The following WDFY4 variants were observed in gnomAD, a reference collection of about 807,000 sequenced individuals.
WDFY4 encodes the protein WD repeat- and FYVE domain-containing protein 4.
WDFY4 carries 169 observed loss-of-function variants against 351.9 expected under a neutral mutation model. The observed-to-expected ratio is 0.48, with a 90% CI of 0.42 to 0.55. The LOEUF (loss-of-function observed/expected upper bound fraction) is 0.55, where lower values mean the gene tolerates loss of function less well. WDFY4 is among the 20% of genes least tolerant of loss of function. WDFY4 has a pLI of 0.00. For missense variants in WDFY4, 3,803 were observed against 3,935.6 expected (o/e 0.97, Z 0.90); for synonymous variants, 1,622 against 1,574.6 (o/e 1.03, Z -0.71).
chr10:48,765,549 C>T (rs970976108), intron 13 of WDFY4, among the ~76,000 whole-genome samples: 1 of 152,204 alleles, frequency 6.6e-6, no homozygotes, highest in African/African-American at 2.4e-5. Context: ...GCTTTACAAG[C>T]ATTTTATCAT....
At chr10:48,748,071 AG>A (rs2065067163) in intron 12 of WDFY4, among the ~76,000 whole-genome samples, 1 of 152,162 alleles carries the variant, frequency 6.6e-6, no homozygotes, top group Non-Finnish European at 1.5e-5. Flanking sequence ...TCTATATTTC[AG>A]GGGCAATCCC....
At chr10:48,905,817 G>A (rs1290181718) in intron 47 of WDFY4, among the ~76,000 whole-genome samples, 1 of 152,242 alleles carries the variant, frequency 6.6e-6, no homozygotes, top group African/African-American at 2.4e-5. Context: ...CTCATAGTAG[G>A]TGCCCAGTAA....
intron 7 of WDFY4, 150 bp downstream of exon 7, chr10:48,727,809 A>G (rs1470816215): frequency 9.7e-7 from 1 of 1,034,302 alleles, no homozygotes; most frequent in African/African-American, 1.6e-5. Flanking sequence ...CATTGTGCAG[A>G]CAGGCATGGG....
At chr10:48,688,848 G>C (rs898979149) in intron 1 of WDFY4, among the ~76,000 whole-genome samples, 1 of 152,198 alleles carries the variant, frequency 6.6e-6, no homozygotes, top group Non-Finnish European at 1.5e-5. Flanking sequence ...TAGAGCATGG[G>C]AGAAAGAGAG....
intron 2 of WDFY4, among the ~76,000 whole-genome samples, chr10:48,710,512 G>A (rs1432419928): frequency 6.6e-6 from 1 of 152,196 alleles, no homozygotes; most frequent in East Asian, 1.9e-4. Context: ...TAGCTTCTGA[G>A]TAATACTGTC....
intron 43 of WDFY4, among the ~76,000 whole-genome samples, chr10:48,885,225 T>G (rs1365095025): frequency 2.1e-4 from 32 of 152,188 alleles, no homozygotes; most frequent in Non-Finnish European, 1.5e-5. Flanking sequence ...GGATGTAGCC[T>G]GGGAATATGA....
intron 47 of WDFY4, among the ~76,000 whole-genome samples, chr10:48,922,727 G>A (rs1345218384): frequency 2.6e-5 from 4 of 152,212 alleles, no homozygotes; most frequent in East Asian, 1.9e-4. Flanking sequence ...CAAAGTCTAC[G>A]GATACATGCG....
chr10:48,820,395 C>T lies in WDFY4; in HGVS notation c.5667C>T (p.Ala1889=). The change falls in exon 33 of 62, where the codon GCC becomes GCT. Residue 1889 remains alanine, a synonymous_variant. Coordinates refer to ENST00000325239, the MANE Select transcript of WDFY4 (RefSeq NM_001394531.1). ...QLLLRELLLG[A]SSPKQWLPLE... is the part of the protein sequence containing the mutation. ...TCTTGAGGGAGCTCCTGCTTGGAGC[C>T]TCCAGCCCCAAGCAGTGGCTGCCCC... The T allele has an allele frequency of 6.4e-7, 1 of 1,551,602 alleles. No homozygotes were observed. Among genetic ancestry groups the T allele is most frequent in the African/African-American group, 1.4e-5 (1 of 73,144 alleles).
At chr10:48,691,938 C>T (rs2063206596) in intron 1 of WDFY4, among the ~76,000 whole-genome samples, 1 of 152,168 alleles carries the variant, frequency 6.6e-6, no homozygotes, top group Non-Finnish European at 1.5e-5. Flanking sequence ...ATAACAGAGG[C>T]AGGGTCGAGC....
At chr10:48,895,013 A>G (rs552903957) in intron 44 of WDFY4, among the ~76,000 whole-genome samples, 18 of 152,202 alleles carry the variant, frequency 1.2e-4, no homozygotes, top group Non-Finnish European at 2.4e-4. Flanking sequence ...TTTGTGTTTG[A>G]TCCATCCTAC....
intron 47 of WDFY4, among the ~76,000 whole-genome samples, chr10:48,925,841 AC>A (rs1045629493): frequency 1.4e-4 from 21 of 152,178 alleles, no homozygotes; most frequent in African/African-American, 5.1e-4. Flanking sequence ...CACTCATGGT[AC>A]CAAAGTAATT....
rs144704630 is a variant in WDFY4, at chr10:48,824,161, G to A, written c.5982+1624G>A. ...TTTGAATTAAAATCTTCTGGACTCC[G>A]TCTCCAGTAGATGATATGGTGGTTA... On this transcript the variant is annotated intron_variant, in intron 35 of 61. Transcript: ENST00000325239. 9.3e-4 allele frequency: 913 copies of A among 985,364 alleles called. 7 individuals are homozygous for A. In the African/African-American group the frequency reaches 0.013, roughly 14 times the overall value. The allele number at this position is 985,364 out of a possible 1,614,324, so 61.0% of individuals were successfully genotyped here.
At chr10:48,781,315 A>G (rs970837030) in intron 19 of WDFY4, among the ~76,000 whole-genome samples, 1 of 150,942 alleles carries the variant, frequency 6.6e-6, no homozygotes, top group Non-Finnish European at 1.5e-5. Context: ...TGTTTTTTTG[A>G]GATAGGATTT....
intron 46 of WDFY4, 74 bp from the exon 47 acceptor site, chr10:48,901,727 T>C (rs1837362636): frequency 1.3e-6 from 2 of 1,483,344 alleles, no homozygotes; most frequent in Non-Finnish European, 1.8e-6. Flanking sequence ...CCTGCCTGAC[T>C]CCGGAAATGC....
At chr10:48,900,029 C>T (rs138163113) in intron 45 of WDFY4, among the ~76,000 whole-genome samples, 192 bp from the exon 46 acceptor site, 31 of 152,278 alleles carry the variant, frequency 2.0e-4, no homozygotes, top group Admixed American at 1.5e-3. Context: ...GCCCCCTGCC[C>T]TCCCACACAT....
chr10:48,788,975 T>C (rs766097367), intron 21 of WDFY4, among the ~76,000 whole-genome samples: 2 of 152,236 alleles, frequency 1.3e-5, no homozygotes, highest in Non-Finnish European at 2.9e-5. Context: ...GCTTCCCTAG[T>C]CCTGGGTATT....
chr10:48,769,446 A>G (rs1377557963), intron 13 of WDFY4, among the ~76,000 whole-genome samples: 1 of 152,220 alleles, frequency 6.6e-6, no homozygotes, highest in Non-Finnish European at 1.5e-5. Context: ...TTTGATAAAG[A>G]GCTTAAGTCA....
intron 13 of WDFY4, among the ~76,000 whole-genome samples, chr10:48,761,192 C>T (rs116172750): frequency 0.023 from 3,445 of 152,066 alleles, 133 homozygotes; most frequent in African/African-American, 0.079. Flanking sequence ...AGGGGAGGAG[C>T]AAATTGGAAG....
chr10:48,899,042 T>C (rs1308760692), intron 45 of WDFY4, among the ~76,000 whole-genome samples: 1 of 150,958 alleles, frequency 6.6e-6, no homozygotes, highest in East Asian at 1.9e-4. Flanking sequence ...ACATGTTATA[T>C]AGAGTAGCAG....
Sources: gnomAD v4.1 joint callset for allele counts (sites outside exome capture counted in the v4.1 genomes callset) on GRCh38, gnomAD v4.1.1 for gene constraint, MANE v1.5 for transcripts, NCBI Gene and HGNC (gene_info 2026-07-23, HGNC 2026-07-21) for gene names.